CCDC191: variants seen among roughly 807,000 people sequenced by gnomAD.
CCDC191 encodes the protein coiled-coil domain containing 191.
A neutral mutation model predicts 114.0 loss-of-function variants in CCDC191; 99 were observed. The ratio of observed to expected loss-of-function variants is 0.87; its 90% CI spans 0.74 to 1.03. The LOEUF is 1.03. Among genes scored for constraint, CCDC191 ranks in the 50% least tolerant of loss-of-function variants. The pLI, the probability that CCDC191 is intolerant of heterozygous loss-of-function variation, is 0.00. For missense variants in CCDC191, 973 were observed against 1,087.0 expected (o/e 0.90, Z 1.47); for synonymous variants, 351 against 376.0 (o/e 0.93, Z 0.77).
intron 13 of CCDC191, among the ~76,000 whole-genome samples, chr3:113,985,469 C>T (rs1020168415): frequency 1.3e-5 from 2 of 151,922 alleles, no homozygotes; most frequent in African/African-American, 2.4e-5. Flanking sequence ...ATACCCACTG[C>T]GGATAAAGGG....
At chr3:114,046,856 T>C in intron 2 of CCDC191, 124 bp from the exon 3 acceptor site, 1 of 1,392,290 alleles carries the variant, frequency 7.2e-7, no homozygotes, top group Admixed American at 3.1e-5. Context: ...TTTTCCATTT[T>C]TGGAGAAACT....
chr3:114,012,928 C>T (rs2076095142), intron 8 of CCDC191, among the ~76,000 whole-genome samples: 1 of 152,024 alleles, frequency 6.6e-6, no homozygotes, highest in Non-Finnish European at 1.5e-5. Context: ...GGCTTAAAGC[C>T]CACTCTATAA....
At chr3:114,023,773 T>C (rs1006836013) in intron 7 of CCDC191, among the ~76,000 whole-genome samples, 20 of 152,134 alleles carry the variant, frequency 1.3e-4, no homozygotes, top group Middle Eastern at 3.4e-3. Flanking sequence ...ACCTAGGCAA[T>C]ACCATTCAGG....
chr3:114,002,793 AAAT>A, intron 11 of CCDC191: 2 of 929,532 alleles, frequency 2.2e-6, no homozygotes, highest in South Asian at 9.9e-5. Flanking sequence ...ATTTTTATTA[AAAT>A]AATTGTTTAC....
At chr3:113,966,275 C>T (rs1056952634) in intron 16 of CCDC191, among the ~76,000 whole-genome samples, 3 of 152,268 alleles carry the variant, frequency 2.0e-5, no homozygotes, top group African/African-American at 2.4e-5. Flanking sequence ...GTATGGAAGA[C>T]TGTTTAAGTG....
At position 113,998,306 on chromosome 3, in the gene CCDC191, CAAAAAAA is replaced by C. The variant is rs61430954; in HGVS notation, c.2163+3282_2163+3288del. On this transcript the variant is annotated intron_variant, in intron 13 of 16. Coordinates refer to ENST00000295878, the MANE Select transcript of CCDC191 (RefSeq NM_020817.2). ...GGGCAACAAGAGTGAAACTCTGCTT[CAAAAAAA>C]AAAAAAAAAAAAAAAAGTTAACTAT... Among the ~76,000 whole-genome samples, 135 of 82,620 alleles carry C rather than the reference CAAAAAAA, an allele frequency of 1.6e-3. 2 individuals are homozygous for C. The East Asian group carries it at 0.022, about 13-fold the overall frequency. 54.2% of individuals were successfully genotyped at this position (82,620 alleles called of 152,430 possible). A position where few individuals can be genotyped will look rare whatever the true frequency, so the allele number is the denominator to read the frequency against.
intron 13 of CCDC191, among the ~76,000 whole-genome samples, chr3:113,984,950 C>G (rs1048444281): frequency 5.3e-5 from 8 of 152,162 alleles, no homozygotes; most frequent in African/African-American, 1.9e-4. Context: ...TTTGGAGAGA[C>G]AGGCATCTTC....
chr3:113,982,861 A>C (rs1341045576), intron 13 of CCDC191, among the ~76,000 whole-genome samples: 7 of 149,758 alleles, frequency 4.7e-5, no homozygotes, highest in South Asian at 2.2e-4. Context: ...AAAAAACAAA[A>C]AAAAAAAAAC....
chr3:114,037,269 A>G (rs1378654292), intron 4 of CCDC191, among the ~76,000 whole-genome samples: 1 of 152,158 alleles, frequency 6.6e-6, no homozygotes, highest in African/African-American at 2.4e-5. Flanking sequence ...AAGGGTCCTC[A>G]TGCTGATTTG....
chr3:113,988,196 A>G (rs2075432535), intron 13 of CCDC191, among the ~76,000 whole-genome samples: 1 of 151,718 alleles, frequency 6.6e-6, no homozygotes, highest in African/African-American at 2.4e-5. Context: ...ACAAGATGAT[A>G]GATTTTAATC....
At position 114,005,555 on chromosome 3, in the gene CCDC191, C is replaced by T. The variant is rs1293739693; in HGVS notation, c.1821G>A (p.Leu607=). 6.2e-7 allele frequency: 1 copy of T among 1,613,712 alleles called. No homozygotes were observed. Among genetic ancestry groups the T allele is most frequent in the Admixed American group, 1.7e-5 (1 of 59,900 alleles). The change falls in exon 10 of 17, where the codon CTG becomes CTA. Residue 607 remains leucine (L), a synonymous_variant. Coordinates refer to ENST00000295878, the MANE Select transcript of CCDC191 (RefSeq NM_020817.2). ...LAVTEAQSHL[L]SKPREEEPRT... ...TTGGTTCCTCTTCTCTGGGCTTTGA[C>T]AGCAGGTGGCTCTGTGCTTCTGTGA...
intron 13 of CCDC191, among the ~76,000 whole-genome samples, chr3:113,997,747 TG>T (rs1388205829): frequency 6.6e-6 from 1 of 152,158 alleles, no homozygotes; most frequent in African/African-American, 2.4e-5. Flanking sequence ...TAATGATGTT[TG>T]GGTCAATGAA....
chr3:113,999,536 C>T (rs567794394), intron 13 of CCDC191, among the ~76,000 whole-genome samples: 54 of 152,236 alleles, frequency 3.5e-4, no homozygotes, highest in Admixed American at 9.2e-4. Flanking sequence ...AAAACTACAA[C>T]CTAATCCAGG....
Position 114,052,779 on chromosome 3 carries a change from G to A in CCDC191, c.129+818C>T, listed in dbSNP as rs6789024. Among the ~76,000 whole-genome samples, 900 of 152,240 alleles carry A rather than the reference G, an allele frequency of 5.9e-3. 7 individuals carry two copies. The highest frequency in any genetic ancestry group is 0.02 in the African/African-American group (828 of 41,542). ...TTAAAAATTATTACATCTGGCCTAG[G>A]ATCTATTATATCTATCTGGGATCTG... On this transcript the variant is annotated intron_variant, in intron 2 of 16. Coordinates refer to ENST00000295878, the MANE Select transcript of CCDC191 (RefSeq NM_020817.2).
In CCDC191 at chr3:114,005,831, A is replaced by C; in HGVS notation, c.1545T>G (p.Pro515=). ...GSLQNVSLSA[P]GNKQHKTLGA... The stretch of plus-strand genomic sequence containing the variant: ...CCAGGGTCTTGTGCTGCTTATTGCC[A>C]GGTGCACTCAGAGAGACATTCTGAA... Residue 515 remains proline, a synonymous_variant, in exon 10 of 17, where the codon CCT becomes CCG. Transcript: ENST00000295878. 1 of 1,613,998 alleles carries C rather than the reference A, an allele frequency of 6.2e-7. No homozygotes were observed. Among genetic ancestry groups the C allele is most frequent in the Non-Finnish European group, 8.5e-7 (1 of 1,179,972 alleles).
chr3:114,003,672 A>C (rs2075895018), intron 11 of CCDC191: 1 of 985,344 alleles, frequency 1.0e-6, no homozygotes. Context: ...GACCAAGCTT[A>C]ATGATAGGCA....
At chr3:114,043,581 C>T (rs1159735940) in intron 3 of CCDC191, among the ~76,000 whole-genome samples, 1 of 152,196 alleles carries the variant, frequency 6.6e-6, no homozygotes, top group East Asian at 1.9e-4. Flanking sequence ...CCCTTGCTTA[C>T]ACTCTTGACA....
rs147683012 is a variant in CCDC191, at chr3:114,051,565, T to C, written c.129+2032A>G. Among the ~76,000 whole-genome samples, 94 of 152,304 alleles carry C rather than the reference T, an allele frequency of 6.2e-4. 2 individuals carry two copies. In the East Asian group the frequency reaches 0.014, roughly 23 times the overall value. On this transcript the variant is annotated intron_variant, in intron 2 of 16. Coordinates refer to ENST00000295878, the MANE Select transcript of CCDC191 (RefSeq NM_020817.2). Reference sequence around the variant, plus strand: ...CAACATAGTGAAACCCCATCTCTATTTAAAATATATATTTAAAAATTAATT... The same window carrying C: ...CAACATAGTGAAACCCCATCTCTATCTAAAATATATATTTAAAAATTAATT...
chr3:114,008,301 T>C (rs1292602276), intron 9 of CCDC191, among the ~76,000 whole-genome samples: 1 of 151,568 alleles, frequency 6.6e-6, no homozygotes, highest in Non-Finnish European at 1.5e-5. Flanking sequence ...GCCATAAAGG[T>C]AGATACATTG....
Sources: allele counts gnomAD v4.1 joint callset (sites outside exome capture counted in the v4.1 genomes callset), GRCh38; gene constraint gnomAD v4.1.1; transcripts MANE v1.5; gene names NCBI Gene and HGNC (gene_info 2026-07-23, HGNC 2026-07-21).